Variants in NCKAP5 observed in about 807,000 individuals in gnomAD.
NCKAP5 encodes nck-associated protein 5.
NCKAP5 carries 92 observed loss-of-function variants against 167.0 expected under a neutral mutation model. That is an observed-to-expected ratio of 0.55 (90% confidence interval 0.47 to 0.66). The LOEUF (loss-of-function observed/expected upper bound fraction) is 0.66. NCKAP5 is among the 30% of genes least tolerant of loss of function. The probability of loss-of-function intolerance (pLI) is 0.00; values close to 1 mark genes in which losing one functional copy is unlikely to be tolerated. For synonymous variants in NCKAP5, 891 were observed against 877.4 expected, an observed-to-expected ratio of 1.02 and a Z score of -0.27; for missense variants, 2,378 against 2,315.0, an observed-to-expected ratio of 1.03 and a Z score of -0.56.
rs544363687 is a variant in NCKAP5, at chr2:132,895,364, A to T, written c.580-16448T>A. ...TCTGTCTCAAAAAAAAAAAAAAAAA[A>T]AAAATCAAAATAAGATCTGGCCATG... is the stretch of plus-strand genomic sequence containing the variant. On this transcript the variant is annotated intron_variant, in intron 8 of 19. Transcript: ENST00000409261. 2.4e-4 allele frequency among the ~76,000 whole-genome samples: 36 copies of T among 151,968 alleles called. No individual in the cohort carries two copies. The East Asian group carries it at 6.4e-3, about 27-fold the overall frequency.
chr2:133,488,516 T>C (rs1681120480), intron 3 of NCKAP5, among the ~76,000 whole-genome samples: 1 of 152,112 alleles, frequency 6.6e-6, no homozygotes, highest in Non-Finnish European at 1.5e-5. Flanking sequence ...CATTTTTCCA[T>C]CCAGTCTAGG....
chr2:133,061,960 TG>T (rs2149519129), intron 6 of NCKAP5, among the ~76,000 whole-genome samples: 1 of 151,736 alleles, frequency 6.6e-6, no homozygotes, highest in Non-Finnish European at 1.5e-5. Flanking sequence ...TAAGTTCAAA[TG>T]AAAAAAAAAT....
chr2:133,216,409 A>G (rs1287980602), intron 4 of NCKAP5, among the ~76,000 whole-genome samples: 2 of 152,284 alleles, frequency 1.3e-5, no homozygotes, highest in African/African-American at 2.4e-5. Flanking sequence ...TTGAACCAAA[A>G]TAAATTACCT....
chr2:133,482,289 C>T (rs1381425806), intron 3 of NCKAP5, among the ~76,000 whole-genome samples: 1 of 148,778 alleles, frequency 6.7e-6, no homozygotes, highest in African/African-American at 2.5e-5. Flanking sequence ...GTGATCTCGG[C>T]TCACTGCAAC....
chr2:132,895,285 C>A (rs572908367), intron 8 of NCKAP5, among the ~76,000 whole-genome samples: 15 of 147,730 alleles, frequency 1.0e-4, no homozygotes, highest in African/African-American at 3.8e-4. Flanking sequence ...GAGCCGAGAT[C>A]GCGTCACTGC....
intron 16 of NCKAP5, among the ~76,000 whole-genome samples, chr2:132,762,198 A>G (rs1205754789): frequency 1.3e-5 from 2 of 150,246 alleles, no homozygotes; most frequent in African/African-American, 4.8e-5. Context: ...CAACTTACAT[A>G]AAACACCCAG....
chr2:132,767,037 A>G (rs1292756135), intron 16 of NCKAP5, among the ~76,000 whole-genome samples: 2 of 152,158 alleles, frequency 1.3e-5, no homozygotes, highest in Non-Finnish European at 2.9e-5. Context: ...GGCTTAACAT[A>G]GCTTTGTCTC....
At chr2:132,730,649 G>T (rs374784214) in intron 17 of NCKAP5, among the ~76,000 whole-genome samples, 40 of 152,298 alleles carry the variant, frequency 2.6e-4, no homozygotes, top group African/African-American at 9.6e-4. Context: ...GTTTAATCAC[G>T]GAGTCTACAG....
At chr2:133,605,511 G>A in the NCKAP5 span, among the ~76,000 whole-genome samples, 1 of 152,182 alleles carries the variant, frequency 6.6e-6, no homozygotes, top group Non-Finnish European at 1.5e-5. Flanking sequence ...GAGAGAATGA[G>A]CAGAGTTGGA....
chr2:133,264,501 A>AC (rs1319079973), intron 4 of NCKAP5, among the ~76,000 whole-genome samples: 1 of 151,814 alleles, frequency 6.6e-6, no homozygotes, highest in African/African-American at 2.4e-5. Context: ...CTCCATTCCC[A>AC]CCCCCGGGGG....
intron 3 of NCKAP5, among the ~76,000 whole-genome samples, chr2:133,327,215 C>T (rs1427335322): frequency 6.6e-6 from 1 of 152,214 alleles, no homozygotes; most frequent in Non-Finnish European, 1.5e-5. Context: ...GCTGCCTGCT[C>T]TTCTCCTGCC....
chr2:133,258,863 A>T (rs7568471), intron 4 of NCKAP5, among the ~76,000 whole-genome samples: 37,289 of 152,022 alleles, frequency 0.25, 5,065 homozygotes, highest in African/African-American at 0.38. Flanking sequence ...AACATTTTTT[A>T]AACTTTCTCC....
intron 11 of NCKAP5, among the ~76,000 whole-genome samples, chr2:132,859,733 A>C (rs1216674367): frequency 1.3e-5 from 2 of 152,108 alleles, no homozygotes; most frequent in Non-Finnish European, 1.5e-5. Flanking sequence ...TTAGCCTCAG[A>C]AGGGCTTGGG....
At chr2:132,890,014 G>C (rs1036675480) in intron 8 of NCKAP5, among the ~76,000 whole-genome samples, 1 of 152,192 alleles carries the variant, frequency 6.6e-6, no homozygotes, top group Admixed American at 6.5e-5. Flanking sequence ...CTGCCTCCCT[G>C]TGGCTTTCCC....
chr2:132,728,510 C>A (rs375752569), intron 18 of NCKAP5, among the ~76,000 whole-genome samples: 30 of 152,264 alleles, frequency 2.0e-4, no homozygotes, highest in African/African-American at 7.2e-4. Flanking sequence ...TCCAATGGCG[C>A]CCACATGGCT....
chr2:133,579,355 G>A, the NCKAP5 span, among the ~76,000 whole-genome samples: 1 of 152,166 alleles, frequency 6.6e-6, no homozygotes, highest in Admixed American at 6.5e-5. Context: ...AAAGAAGGAG[G>A]TTTGTCCGTA....
chr2:133,543,661 G>A (rs1686414814), intron 2 of NCKAP5, among the ~76,000 whole-genome samples: 1 of 152,154 alleles, frequency 6.6e-6, no homozygotes, highest in African/African-American at 2.4e-5. Context: ...TATTTCCCCT[G>A]TGGGAAATGA....
intron 2 of NCKAP5, among the ~76,000 whole-genome samples, chr2:133,549,375 C>G (rs200664600): frequency 0.017 from 2,443 of 144,298 alleles, 88 homozygotes; most frequent in East Asian, 0.16. Context: ...TGTAAAAGAA[C>G]AGAAATTATA....
At chr2:132,823,604 A>G (rs939579274) in intron 11 of NCKAP5, among the ~76,000 whole-genome samples, 1 of 152,190 alleles carries the variant, frequency 6.6e-6, no homozygotes, top group Non-Finnish European at 1.5e-5. Context: ...ACTCCCTTAA[A>G]GCATAAATCT....
Sources: allele counts gnomAD v4.1 joint callset (sites outside exome capture counted in the v4.1 genomes callset), GRCh38; gene constraint gnomAD v4.1.1; transcripts MANE v1.5; gene names NCBI Gene and HGNC (gene_info 2026-07-23, HGNC 2026-07-21).